The following CHRM5 variants were observed in gnomAD, a reference collection of about 807,000 sequenced individuals.
The protein encoded by CHRM5 is muscarinic acetylcholine receptor M5.
CHRM5 carries 18 observed loss-of-function variants against 39.0 expected under a neutral mutation model. The observed-to-expected ratio is 0.46, with a 90% confidence interval of 0.32 to 0.68. The LOEUF is 0.68. CHRM5 is among the 30% of genes least tolerant of loss of function. CHRM5 has a pLI of 0.04. For missense variants in CHRM5, 515 were observed against 651.1 expected, an observed-to-expected ratio of 0.79 and a Z score of 2.28; for synonymous variants, 241 against 246.3, an observed-to-expected ratio of 0.98 and a Z score of 0.20.
chr15:33,999,885 G>A (rs563097956), intron 1 of CHRM5, among the ~76,000 whole-genome samples: 6 of 152,076 alleles, frequency 3.9e-5, no homozygotes, highest in African/African-American at 7.3e-5. Context: ...CAAACCCTCC[G>A]CTGGTTTTTC....
chr15:34,057,714 T>A (rs1173442846), intron 2 of CHRM5, among the ~76,000 whole-genome samples: 2 of 152,146 alleles, frequency 1.3e-5, no homozygotes, highest in Non-Finnish European at 2.9e-5. Context: ...GGAGGATCGC[T>A]TGAGGCCATG....
Position 34,016,633 on chromosome 15 carries a change from C to G in CHRM5, c.-407-29907C>G, listed in dbSNP as rs1043486545. ...CAGTCAACAAACTTTTCTCCACTAA[C>G]TAAAGCCAAGTGTCTCTGCCTGCTT... On this transcript the variant is annotated intron_variant, in intron 1 of 2. Transcript: ENST00000383263. Among the ~76,000 whole-genome samples, 8 of 152,332 alleles carry G rather than the reference C, an allele frequency of 5.3e-5. No individual in the cohort carries two copies. The South Asian group carries it at 6.2e-4, about 12-fold the overall frequency.
intron 2 of CHRM5, among the ~76,000 whole-genome samples, chr15:34,061,988 C>G (rs187317421): frequency 4.3e-4 from 65 of 152,280 alleles, no homozygotes; most frequent in African/African-American, 1.5e-3. Flanking sequence ...CCCTTATGAT[C>G]ATTGCAATCT....
At chr15:34,040,982 A>G (rs377764726) in intron 1 of CHRM5, among the ~76,000 whole-genome samples, 5 of 152,244 alleles carry the variant, frequency 3.3e-5, no homozygotes, top group African/African-American at 1.2e-4. Context: ...ATGGAAGAAT[A>G]TGGTTAAATA....
chr15:34,064,475 G>A lies in CHRM5; in HGVS notation c.*159G>A, dbSNP rs980930054. Reference sequence around the variant, plus strand: ...TCAAGTTTGGTTGCCAAATGGAAGGGGCCATAGCTGCAGCAATTGCTGACA... The same window carrying A: ...TCAAGTTTGGTTGCCAAATGGAAGGAGCCATAGCTGCAGCAATTGCTGACA... On this transcript the variant is annotated 3_prime_UTR_variant, in exon 3 of 3. Transcript: ENST00000383263. The A allele has an allele frequency of 8.6e-6, 7 of 815,546 alleles. No individual in the cohort carries two copies. Among genetic ancestry groups the A allele is most frequent in the Non-Finnish European group, 1.3e-5 (7 of 522,858 alleles). 50.5% of individuals were successfully genotyped at this position (815,546 alleles called of 1,614,324 possible).
chr15:33,995,863 G>A (rs1896910309), intron 1 of CHRM5, among the ~76,000 whole-genome samples: 1 of 152,240 alleles, frequency 6.6e-6, no homozygotes, highest in Non-Finnish European at 1.5e-5. Flanking sequence ...AGGGCGAGCT[G>A]AAGCGGGGCG....
At chr15:34,021,861 T>C (rs927672455) in intron 1 of CHRM5, among the ~76,000 whole-genome samples, 5 of 151,186 alleles carry the variant, frequency 3.3e-5, no homozygotes, top group African/African-American at 1.2e-4. Flanking sequence ...ATCTCAAAAA[T>C]AAAAATAAAA....
chr15:34,058,498 C>G (rs1900231959), intron 2 of CHRM5, among the ~76,000 whole-genome samples: 1 of 151,566 alleles, frequency 6.6e-6, no homozygotes, highest in Non-Finnish European at 1.5e-5. Context: ...ATTTCCCAAA[C>G]AGGCCACTAT....
chr15:33,974,664 G>A (rs939764443), intron 1 of CHRM5, among the ~76,000 whole-genome samples: 2 of 152,116 alleles, frequency 1.3e-5, no homozygotes, highest in African/African-American at 2.4e-5. Context: ...TGATGTTGGC[G>A]TGCACAACTT....
At chr15:34,062,253 C>T (rs1900357995) in intron 2 of CHRM5, among the ~76,000 whole-genome samples, 1 of 152,096 alleles carries the variant, frequency 6.6e-6, no homozygotes, top group African/African-American at 2.4e-5. Flanking sequence ...TTTAATATTC[C>T]ATTAGAAACT....
At chr15:34,027,673 C>T (rs1199432235) in intron 1 of CHRM5, among the ~76,000 whole-genome samples, 4 of 152,108 alleles carry the variant, frequency 2.6e-5, no homozygotes, top group African/African-American at 7.2e-5. Context: ...TCCCTGACAG[C>T]TCTGTGAAAA....
At chr15:34,039,932 A>G (rs551289696) in intron 1 of CHRM5, among the ~76,000 whole-genome samples, 2 of 152,196 alleles carry the variant, frequency 1.3e-5, no homozygotes, top group African/African-American at 2.4e-5. Flanking sequence ...AGGAGAAAAC[A>G]GGAAGGGGAA....
intron 1 of CHRM5, among the ~76,000 whole-genome samples, chr15:34,012,646 T>A (rs1897684638): frequency 6.6e-6 from 1 of 152,244 alleles, no homozygotes; most frequent in African/African-American, 2.4e-5. Flanking sequence ...CAGGTTTTAA[T>A]GTCATCACAT....
In CHRM5 at chr15:34,003,095, C is replaced by T. The variant is rs758534979; in HGVS notation, c.-408+33945C>T. 3.7e-6 allele frequency: 6 copies of T among 1,613,782 alleles called. No homozygotes were observed. The African/African-American group carries it at 6.7e-5, about 18-fold the overall frequency. On this transcript the variant is annotated intron_variant, in intron 1 of 2. Coordinates refer to ENST00000383263, the MANE Select transcript of CHRM5 (RefSeq NM_012125.4). ...TGTGACTCTCCACTTTCATTATTGA[C>T]CTCTTTTTCAATATCTTGATATCGA...
chr15:34,017,153 T>C (rs1358379815), intron 1 of CHRM5, among the ~76,000 whole-genome samples: 1 of 152,024 alleles, frequency 6.6e-6, no homozygotes, highest in Admixed American at 6.6e-5. Context: ...AGGTATCATT[T>C]GACAAAGCTT....
At chr15:34,050,717 A>ACAGACTT (rs1244077792) in intron 2 of CHRM5, among the ~76,000 whole-genome samples, 1 of 152,228 alleles carries the variant, frequency 6.6e-6, no homozygotes, top group Non-Finnish European at 1.5e-5. Flanking sequence ...TTCTGACAAA[A>ACAGACTT]CAGACTTTAA....
rs557024978 is a variant in CHRM5 at position 34,014,383 on chromosome 15, AAC to A, written c.-407-32155_-407-32154del. Among the ~76,000 whole-genome samples the A allele has an allele frequency of 1.3e-4, 4 of 30,822 alleles. 1 individual carries two copies. The highest frequency in any genetic ancestry group is 6.0e-4 in the East Asian group (1 of 1,672). The allele number at this position is 30,822 out of a possible 152,430, so 20.2% of individuals were successfully genotyped here. A position where few individuals can be genotyped will look rare whatever the true frequency, so the allele number is the denominator to read the frequency against. On this transcript the variant is annotated intron_variant, in intron 1 of 2. Coordinates refer to ENST00000383263, the MANE Select transcript of CHRM5 (RefSeq NM_012125.4). ...CCATCTCATTAAAAAAAAAAAAAAA[AAC>A]AAAAACAAAAACCACGTTTGAGGAT...
chr15:33,982,464 T>G (rs1474115444), intron 1 of CHRM5, among the ~76,000 whole-genome samples: 1 of 152,204 alleles, frequency 6.6e-6, no homozygotes, highest in Non-Finnish European at 1.5e-5. Flanking sequence ...TACTAAAATA[T>G]TTTCTGGAGC....
At chr15:34,057,639 C>G (rs139972900) in intron 2 of CHRM5, among the ~76,000 whole-genome samples, 8 of 152,208 alleles carry the variant, frequency 5.3e-5, no homozygotes, top group Non-Finnish European at 1.2e-4. Context: ...CAAAGTCATA[C>G]AGTAAGTTGG....
Sources: allele counts gnomAD v4.1 joint callset (sites outside exome capture counted in the v4.1 genomes callset), GRCh38; gene constraint gnomAD v4.1.1; transcripts MANE v1.5; gene names NCBI Gene and HGNC (gene_info 2026-07-23, HGNC 2026-07-21).